Variants in R3HCC1L observed in about 807,000 individuals in gnomAD.
R3HCC1L encodes R3H domain and coiled-coil containing 1 like.
R3HCC1L carries 51 observed loss-of-function variants against 59.9 expected under a neutral mutation model. The ratio of observed to expected loss-of-function variants is 0.85; its 90% confidence interval spans 0.68 to 1.07. The LOEUF (loss-of-function observed/expected upper bound fraction) is 1.07, where lower values mean the gene tolerates loss of function less well. Among genes scored for constraint, R3HCC1L ranks in the 50% least tolerant of loss-of-function variants. The pLI is 0.00. For missense variants in R3HCC1L, 965 were observed against 933.0 expected (o/e 1.03, Z -0.45); for synonymous variants, 322 against 315.2 (o/e 1.02, Z -0.23).
At chr10:98,193,378 A>G (rs1564673170) in intron 4 of R3HCC1L, among the ~76,000 whole-genome samples, 1 of 152,084 alleles carries the variant, frequency 6.6e-6, no homozygotes, top group Non-Finnish European at 1.5e-5. Flanking sequence ...ACCAAAAAAA[A>G]TAAAAAATAA....
intron 9 of R3HCC1L, among the ~76,000 whole-genome samples, chr10:98,241,579 T>G (rs1857537181): frequency 6.6e-6 from 1 of 152,236 alleles, no homozygotes; most frequent in African/African-American, 2.4e-5. Flanking sequence ...TTTCTCTTTA[T>G]TCTTTTAATT....
intron 5 of R3HCC1L, among the ~76,000 whole-genome samples, chr10:98,221,371 C>A (rs1194570930): frequency 5.4e-5 from 8 of 148,504 alleles, no homozygotes; most frequent in East Asian, 4.0e-4. Flanking sequence ...TGTGCAGAAG[C>A]TCTTTAGTTT....
intron 9 of R3HCC1L, among the ~76,000 whole-genome samples, chr10:98,241,109 A>G (rs998172349): frequency 2.0e-5 from 3 of 152,066 alleles, no homozygotes; most frequent in Non-Finnish European, 4.4e-5. Context: ...AAAATCTAAA[A>G]CTTTGCTAAA....
intron 4 of R3HCC1L, among the ~76,000 whole-genome samples, chr10:98,168,316 G>A (rs897758750): frequency 1.1e-4 from 17 of 152,274 alleles, no homozygotes; most frequent in African/African-American, 4.1e-4. Flanking sequence ...AAGTCGGTGA[G>A]CTGTGTGGTT....
At chr10:98,227,876 C>G (rs1855862689) in intron 5 of R3HCC1L, among the ~76,000 whole-genome samples, 1 of 152,060 alleles carries the variant, frequency 6.6e-6, no homozygotes, top group South Asian at 2.1e-4. Flanking sequence ...ATGATGGTTT[C>G]CAGCTTCAAC....
intron 4 of R3HCC1L, among the ~76,000 whole-genome samples, chr10:98,192,152 G>A (rs1850932192): frequency 6.6e-6 from 1 of 151,842 alleles, no homozygotes; most frequent in South Asian, 2.1e-4. Context: ...TCACATATGT[G>A]TATGAGTCTG....
intron 4 of R3HCC1L, among the ~76,000 whole-genome samples, chr10:98,177,379 C>T (rs528889073): frequency 2.0e-5 from 3 of 152,260 alleles, no homozygotes; most frequent in South Asian, 2.1e-4. Flanking sequence ...CTTTTGGCTG[C>T]GTGGTATTCC....
chr10:98,225,933 C>G (rs578048305), intron 5 of R3HCC1L, among the ~76,000 whole-genome samples: 2 of 152,034 alleles, frequency 1.3e-5, no homozygotes, highest in Non-Finnish European at 2.9e-5. Flanking sequence ...CTCGACCTCC[C>G]GGACTCAAGC....
chr10:98,215,468 T>A (rs1212544954), intron 5 of R3HCC1L, among the ~76,000 whole-genome samples: 1 of 152,236 alleles, frequency 6.6e-6, no homozygotes, highest in Non-Finnish European at 1.5e-5. Context: ...GGTTAAGATT[T>A]TCCTAATACT....
chr10:98,172,515 G>A (rs992222237), intron 4 of R3HCC1L, among the ~76,000 whole-genome samples: 6 of 152,154 alleles, frequency 3.9e-5, no homozygotes, highest in South Asian at 4.1e-4. Context: ...GGCTTGGATC[G>A]ATGGTGGTTT....
At chr10:98,230,775 A>G (rs768282337) in intron 5 of R3HCC1L, among the ~76,000 whole-genome samples, 3 of 152,230 alleles carry the variant, frequency 2.0e-5, no homozygotes, top group Non-Finnish European at 4.4e-5. Flanking sequence ...GAATGACAGA[A>G]TGACTGTCAT....
chr10:98,236,234 A>T, intron 9 of R3HCC1L, 70 bp downstream of exon 9: 1 of 1,556,230 alleles, frequency 6.4e-7, no homozygotes, highest in African/African-American at 1.4e-5. Context: ...TTTAAAAAAA[A>T]ATGAATGAAG....
At chr10:98,189,445 T>G (rs1850599331) in intron 4 of R3HCC1L, among the ~76,000 whole-genome samples, 1 of 152,204 alleles carries the variant, frequency 6.6e-6, no homozygotes, top group South Asian at 2.1e-4. Context: ...GTAAGGTCTA[T>G]CTATGTAAGG....
chr10:98,160,905 C>G (rs1037563345), intron 2 of R3HCC1L, among the ~76,000 whole-genome samples: 11 of 152,242 alleles, frequency 7.2e-5, no homozygotes, highest in African/African-American at 2.6e-4. Flanking sequence ...GTCTTTCATT[C>G]TTACACAAAA....
At chr10:98,204,156 C>T (rs1280074891) in intron 4 of R3HCC1L, among the ~76,000 whole-genome samples, 1 of 152,194 alleles carries the variant, frequency 6.6e-6, no homozygotes, top group African/African-American at 2.4e-5. Flanking sequence ...CACCTGTAAT[C>T]CCAGCACTTT....
chr10:98,159,242 T>C (rs912362177), intron 2 of R3HCC1L, among the ~76,000 whole-genome samples: 2 of 152,218 alleles, frequency 1.3e-5, no homozygotes, highest in African/African-American at 4.8e-5. Context: ...TTGTTATGCT[T>C]TTACATCATA....
chr10:98,176,899 T>A (rs1849081103), intron 4 of R3HCC1L, among the ~76,000 whole-genome samples: 1 of 152,152 alleles, frequency 6.6e-6, no homozygotes, highest in Admixed American at 6.5e-5. Context: ...CTCCTATTCC[T>A]AGTTTACTGG....
intron 1 of R3HCC1L, among the ~76,000 whole-genome samples, chr10:98,142,739 A>G (rs1845276057): frequency 1.3e-5 from 2 of 152,152 alleles, no homozygotes; most frequent in African/African-American, 4.8e-5. Flanking sequence ...ATTTGAGACT[A>G]GCCTGGCCAA....
At chr10:98,243,378 G>A (rs1034963962) in intron 9 of R3HCC1L, among the ~76,000 whole-genome samples, 2 of 152,198 alleles carry the variant, frequency 1.3e-5, no homozygotes, top group Admixed American at 6.5e-5. Flanking sequence ...CTAAAGGAGC[G>A]CTTGGGTCAC....
Sources: gnomAD v4.1 joint callset for allele counts (sites outside exome capture counted in the v4.1 genomes callset) on GRCh38, gnomAD v4.1.1 for gene constraint, MANE v1.5 for transcripts, NCBI Gene and HGNC (gene_info 2026-07-23, HGNC 2026-07-21) for gene names.